MTUS1: variants seen among roughly 807,000 people sequenced by gnomAD.
The protein encoded by MTUS1 is microtubule associated scaffold protein 1, also known as microtubule-associated tumor suppressor 1.
In MTUS1, 109 loss-of-function variants were observed where a neutral mutation model predicts 120.8. The ratio of observed to expected loss-of-function variants is 0.90; its 90% CI spans 0.77 to 1.06. MTUS1 has a LOEUF of 1.06. MTUS1 is among the 50% of genes least tolerant of loss of function. MTUS1 has a pLI of 0.00. For missense variants in MTUS1, 2,210 were observed against 1,486.3 expected (o/e 1.49, Z -8.01); for synonymous variants, 737 against 550.5 (o/e 1.34, Z -4.74).
At chr8:17,765,492 C>T (rs550615877) in intron 1 of MTUS1, among the ~76,000 whole-genome samples, 18 of 151,800 alleles carry the variant, frequency 1.2e-4, no homozygotes, top group African/African-American at 4.4e-4. Context: ...TGGTGGTGTG[C>T]ACCTGTAATC....
At chr8:17,744,579 A>G (rs926096092) in intron 2 of MTUS1, among the ~76,000 whole-genome samples, 7 of 151,150 alleles carry the variant, frequency 4.6e-5, no homozygotes, top group Non-Finnish European at 1.0e-4. Context: ...CACCACCATC[A>G]ATCTTTTTAC....
intron 8 of MTUS1, among the ~76,000 whole-genome samples, chr8:17,672,735 C>T (rs899922406): frequency 6.6e-6 from 1 of 152,188 alleles, no homozygotes; most frequent in African/African-American, 2.4e-5. Context: ...GACTGGGGAT[C>T]TGGATAGGCC....
At chr8:17,729,386 T>G (rs1199968348) in intron 3 of MTUS1, among the ~76,000 whole-genome samples, 1 of 152,212 alleles carries the variant, frequency 6.6e-6, no homozygotes, top group African/African-American at 2.4e-5. Context: ...AGAGTATCAC[T>G]GTATAAATAT....
chr8:17,646,947 G>A (rs900235973), intron 14 of MTUS1, 35 bp downstream of exon 14: 3 of 1,514,650 alleles, frequency 2.0e-6, no homozygotes, highest in Middle Eastern at 1.7e-4. Flanking sequence ...AAGGGAGCGG[G>A]GAGCTCGGGA....
At chr8:17,677,886 A>T (rs1322767348) in intron 7 of MTUS1, among the ~76,000 whole-genome samples, 1 of 152,176 alleles carries the variant, frequency 6.6e-6, no homozygotes, top group Admixed American at 6.5e-5. Context: ...ACTTCAAACT[A>T]ATTAACTAAG....
rs1398757602 is a variant in MTUS1 at position 17,675,014 on chromosome 8, A to G, written c.2905+172T>C. 2.8e-6 allele frequency: 4 copies of G among 1,415,178 alleles called. No individual in the cohort carries two copies. The African/African-American group carries it at 4.3e-5, about 15-fold the overall frequency. The allele number at this position is 1,415,178 out of a possible 1,614,324, so 87.7% of individuals were successfully genotyped here. ...CAGGAATTCTGTGAACTGAAGGTCA[A>G]GCTGCCAAGATTCAAAAGAAATGTC... On this transcript the variant is annotated intron_variant, in intron 8 of 14. Coordinates refer to ENST00000693296, the MANE Select transcript of MTUS1 (RefSeq NM_001363059.2).
Position 17,755,924 on chromosome 8 carries a change from G to A in MTUS1, c.-117C>T, listed in dbSNP as rs2048575456. On this transcript the variant is annotated 5_prime_UTR_variant, in exon 2 of 15. Transcript: ENST00000693296. ...TTTCAGCACAGTTGAAAGGTTTTCAGTCTAAGATGCTCTGAAGATTAAATG... is the reference window on the plus strand; with the variant it reads ...TTTCAGCACAGTTGAAAGGTTTTCAATCTAAGATGCTCTGAAGATTAAATG... The A allele has an allele frequency of 2.7e-6, 4 of 1,457,424 alleles. No individual in the cohort carries two copies. The highest frequency in any genetic ancestry group is 3.6e-6 in the Non-Finnish European group (4 of 1,111,656). 90.3% of individuals were successfully genotyped at this position (1,457,424 alleles called of 1,614,324 possible). A position where few individuals can be genotyped will look rare whatever the true frequency, so the allele number is the denominator to read the frequency against.
chr8:17,705,264 G>T (rs557442045), intron 6 of MTUS1, among the ~76,000 whole-genome samples: 3 of 152,128 alleles, frequency 2.0e-5, no homozygotes, highest in African/African-American at 7.2e-5. Context: ...GATTACAGGC[G>T]TGAGCCACCA....
At chr8:17,688,161 T>G (rs1816219810) in intron 6 of MTUS1, among the ~76,000 whole-genome samples, 1 of 152,188 alleles carries the variant, frequency 6.6e-6, no homozygotes, top group Non-Finnish European at 1.5e-5. Flanking sequence ...AACACAGAAT[T>G]TGGAAACGAA....
intron 6 of MTUS1, among the ~76,000 whole-genome samples, chr8:17,710,208 G>A (rs1271571845): frequency 6.6e-6 from 1 of 152,146 alleles, no homozygotes; most frequent in Non-Finnish European, 1.5e-5. Context: ...AATGAAGTTT[G>A]CGACATCAAT....
At chr8:17,784,348 T>A (rs1586390554) in intron 1 of MTUS1, among the ~76,000 whole-genome samples, 1 of 144,206 alleles carries the variant, frequency 6.9e-6, no homozygotes, top group Non-Finnish European at 1.5e-5. Context: ...CAGGCTAGAG[T>A]GCAATGTCGC....
chr8:17,795,173 A>T (rs1333108679), intron 1 of MTUS1, among the ~76,000 whole-genome samples: 1 of 152,194 alleles, frequency 6.6e-6, no homozygotes, highest in East Asian at 1.9e-4. Flanking sequence ...ACTACCCAAC[A>T]GTCAAGACTT....
intron 1 of MTUS1, among the ~76,000 whole-genome samples, chr8:17,765,316 T>A (rs542144126): frequency 1.3e-5 from 2 of 152,116 alleles, no homozygotes; most frequent in East Asian, 3.9e-4. Context: ...TTGGGGAACC[T>A]TGCCGTGATG....
At chr8:17,687,194 A>G (rs41359647) in intron 6 of MTUS1, among the ~76,000 whole-genome samples, 6,951 of 152,256 alleles carry the variant, frequency 0.046, 562 homozygotes, top group African/African-American at 0.16. Flanking sequence ...GTGGCGCTGG[A>G]AACTCGTGCT....
intron 8 of MTUS1, among the ~76,000 whole-genome samples, chr8:17,665,666 A>T (rs1585519611): frequency 6.6e-6 from 1 of 151,976 alleles, no homozygotes; most frequent in African/African-American, 2.4e-5. Flanking sequence ...CGGCCCTAGA[A>T]CTCCAGCCTC....
chr8:17,671,851 C>T (rs563072368), intron 8 of MTUS1, among the ~76,000 whole-genome samples: 43 of 152,218 alleles, frequency 2.8e-4, no homozygotes, highest in African/African-American at 9.9e-4. Flanking sequence ...TTGATGACGG[C>T]GATAGTGGCA....
chr8:17,707,994 C>A (rs769260159), intron 6 of MTUS1, among the ~76,000 whole-genome samples: 1 of 151,638 alleles, frequency 6.6e-6, no homozygotes, highest in Admixed American at 6.6e-5. Context: ...GCTAGAATAG[C>A]AAAAAAAACT....
At chr8:17,656,158 G>A (rs1808179785) in intron 8 of MTUS1, 93 bp from the exon 9 acceptor site, 1 of 1,091,788 alleles carries the variant, frequency 9.2e-7, no homozygotes, top group Non-Finnish European at 1.4e-6. Context: ...GATGACACCT[G>A]AAGCATACAC....
chr8:17,690,288 C>G (rs1816693634), intron 6 of MTUS1, among the ~76,000 whole-genome samples: 1 of 152,148 alleles, frequency 6.6e-6, no homozygotes, highest in South Asian at 2.1e-4. Context: ...AAAAAATGCT[C>G]AACATCACTA....
Sources: gnomAD v4.1 joint callset for allele counts (sites outside exome capture counted in the v4.1 genomes callset) on GRCh38, gnomAD v4.1.1 for gene constraint, MANE v1.5 for transcripts, NCBI Gene and HGNC (gene_info 2026-07-23, HGNC 2026-07-21) for gene names.